The following METAP2 variants were observed in gnomAD, a reference collection of about 807,000 sequenced individuals.
The protein encoded by METAP2 is methionine aminopeptidase 2.
In METAP2, 25 loss-of-function variants were observed where a neutral mutation model predicts 59.4. The observed-to-expected ratio is 0.42, with a 90% CI of 0.31 to 0.59. The LOEUF (loss-of-function observed/expected upper bound fraction) is 0.59, where lower values mean the gene tolerates loss of function less well. Ranked by LOEUF, METAP2 falls within the 20% of genes least tolerant of loss-of-function variation. METAP2 has a pLI of 0.16. For missense variants in METAP2, 366 were observed against 581.2 expected (o/e 0.63, Z 3.81); for synonymous variants, 214 against 194.1 (o/e 1.10, Z -0.85).
intron 8 of METAP2, among the ~76,000 whole-genome samples, chr12:95,508,080 C>T (rs1003633597): frequency 6.6e-6 from 1 of 151,900 alleles, no homozygotes; most frequent in Admixed American, 6.6e-5. Flanking sequence ...CGCACCCAGC[C>T]GATTCACATA....
intron 7 of METAP2, among the ~76,000 whole-genome samples, chr12:95,500,806 G>A (rs1039291155): frequency 6.6e-6 from 1 of 152,132 alleles, no homozygotes; most frequent in Non-Finnish European, 1.5e-5. Flanking sequence ...TTTTGCATCA[G>A]TGTTCATTAG....
intron 4 of METAP2, among the ~76,000 whole-genome samples, chr12:95,488,536 A>T (rs1008237417): frequency 2.9e-5 from 4 of 139,914 alleles, no homozygotes; most frequent in African/African-American, 1.1e-4. Context: ...AAAAAAAAAA[A>T]AAATACTTCT....
chr12:95,483,475 CAAAAAAAA>C, intron 3 of METAP2, 195 bp downstream of exon 3: 1 of 58,868 alleles, frequency 1.7e-5, no homozygotes, highest in Admixed American at 1.9e-4. Context: ...GACTCTGTCT[CAAAAAAAA>C]AAAAAAAAAA....
At chr12:95,477,102 C>G (rs536621746) in intron 2 of METAP2, among the ~76,000 whole-genome samples, 1 of 149,744 alleles carries the variant, frequency 6.7e-6, no homozygotes, top group Non-Finnish European at 1.5e-5. Flanking sequence ...CTTTTACTCT[C>G]TATTTTTTTT....
chr12:95,509,081 A>G (rs185179053), intron 8 of METAP2, among the ~76,000 whole-genome samples: 177 of 152,302 alleles, frequency 1.2e-3, no homozygotes, highest in Non-Finnish European at 2.0e-3. Context: ...TTAAAAAGTG[A>G]TTGTTAACAA....
intron 2 of METAP2, among the ~76,000 whole-genome samples, chr12:95,481,252 T>C (rs1359255552): frequency 1.3e-5 from 2 of 152,082 alleles, no homozygotes; most frequent in Non-Finnish European, 2.9e-5. Context: ...CTGCAAAAGA[T>C]TAAAAAACAT....
intron 2 of METAP2, among the ~76,000 whole-genome samples, chr12:95,477,287 A>T (rs1322823871): frequency 2.0e-5 from 3 of 152,026 alleles, no homozygotes; most frequent in Non-Finnish European, 4.4e-5. Flanking sequence ...TTTAGTAGAA[A>T]TGGGGTTTTG....
chr12:95,477,805 A>T (rs955951311), intron 2 of METAP2, among the ~76,000 whole-genome samples: 14 of 152,230 alleles, frequency 9.2e-5, no homozygotes, highest in Non-Finnish European at 2.1e-4. Flanking sequence ...CAAGAAGCTT[A>T]TAGTGAACAT....
chr12:95,488,835 C>T (rs900033394), intron 4 of METAP2, among the ~76,000 whole-genome samples: 1 of 152,048 alleles, frequency 6.6e-6, no homozygotes, highest in Non-Finnish European at 1.5e-5. Context: ...ATATCCCAAA[C>T]AGTTCTTTTT....
In METAP2 at chr12:95,474,152, C is replaced by G; in HGVS notation, c.-28C>G. The G allele has an allele frequency of 6.2e-7, 1 of 1,611,752 alleles. No homozygotes were observed. Among genetic ancestry groups the G allele is most frequent in the Non-Finnish European group, 8.5e-7 (1 of 1,179,048 alleles). On this transcript the variant is annotated 5_prime_UTR_variant, in exon 1 of 11. Transcript: ENST00000323666. ...AGGATCGGGGCCCTCGCCGCTCTGTCTCATTCCCTCGCGCTCTCTCGGGCA... is the reference window on the plus strand; with the variant it reads ...AGGATCGGGGCCCTCGCCGCTCTGTGTCATTCCCTCGCGCTCTCTCGGGCA...
intron 2 of METAP2, 52 bp from the exon 3 acceptor site, chr12:95,483,163 C>A: frequency 7.3e-7 from 1 of 1,361,320 alleles, no homozygotes; most frequent in Non-Finnish European, 1.1e-6. Flanking sequence ...CTTGCTTTGT[C>A]CCTCTGCTTA....
In METAP2 at chr12:95,515,693, A is replaced by G. The variant is rs2076442782; in HGVS notation, c.*1789A>G. On this transcript the variant is annotated 3_prime_UTR_variant, in exon 11 of 11. Transcript: ENST00000323666. ...AGGGACATGATCTTGTAAGTAGGAA[A>G]GCTGTAACTAAAAATTGTATTGTTT... 6.6e-6 allele frequency: 1 copy of G among 152,198 alleles called. No individual in the cohort carries two copies. Among genetic ancestry groups the G allele is most frequent in the Non-Finnish European group, 1.5e-5 (1 of 68,040 alleles). The allele number at this position is 152,198 out of a possible 1,614,324, so 9.4% of individuals were successfully genotyped here.
chr12:95,511,399 T>G (rs964168429), intron 8 of METAP2, among the ~76,000 whole-genome samples: 1 of 140,468 alleles, frequency 7.1e-6, no homozygotes. Flanking sequence ...GTTTTTTTTT[T>G]TTTTTTTTTT....
intron 2 of METAP2, chr12:95,482,142 T>C: frequency 2.2e-6 from 1 of 453,744 alleles, no homozygotes; most frequent in South Asian, 1.6e-5. Flanking sequence ...AAGATCTCCC[T>C]CCCGTCACCC....
At chr12:95,489,249 A>C (rs539021047) in intron 4 of METAP2, among the ~76,000 whole-genome samples, 1 of 150,476 alleles carries the variant, frequency 6.6e-6, no homozygotes, top group Non-Finnish European at 1.5e-5. Context: ...TATTTAATAC[A>C]TGAAAAAAAT....
chr12:95,478,047 G>GT (rs753627876), intron 2 of METAP2, among the ~76,000 whole-genome samples: 1 of 152,126 alleles, frequency 6.6e-6, no homozygotes, highest in Non-Finnish European at 1.5e-5. Context: ...GCTGGGTGTG[G>GT]TGGCTTATGC....
intron 6 of METAP2, 117 bp downstream of exon 6, chr12:95,495,255 AT>A: frequency 1.2e-6 from 1 of 852,036 alleles, no homozygotes; most frequent in Non-Finnish European, 1.8e-6. Context: ...TCCTCATTTC[AT>A]TAGGAAAGGT....
intron 2 of METAP2, 127 bp downstream of exon 2, chr12:95,476,305 G>A (rs1046975328): frequency 1.6e-5 from 8 of 508,038 alleles, no homozygotes; most frequent in Admixed American, 7.7e-5. Flanking sequence ...TCAGTAGTTC[G>A]AGACCAGCCT....
intron 8 of METAP2, among the ~76,000 whole-genome samples, chr12:95,511,397 T>G (rs1370637015): frequency 7.2e-6 from 1 of 139,570 alleles, no homozygotes; most frequent in Non-Finnish European, 1.6e-5. Context: ...CCGTTTTTTT[T>G]TTTTTTTTTT....
Sources: allele counts gnomAD v4.1 joint callset (sites outside exome capture counted in the v4.1 genomes callset), GRCh38; gene constraint gnomAD v4.1.1; transcripts MANE v1.5; gene names NCBI Gene and HGNC (gene_info 2026-07-23, HGNC 2026-07-21).